ZNF25: variants seen among roughly 807,000 people sequenced by gnomAD.
ZNF25 encodes the protein zinc finger protein 25.
A neutral mutation model predicts 30.9 loss-of-function variants in ZNF25; 21 were observed. The ratio of observed to expected loss-of-function variants is 0.68; its 90% CI spans 0.48 to 0.98. The LOEUF is 0.98. Among genes scored for constraint, ZNF25 ranks in the 50% least tolerant of loss-of-function variants. The pLI, the probability that ZNF25 is intolerant of heterozygous loss-of-function variation, is 0.00. For missense variants in ZNF25, 501 were observed against 529.9 expected (o/e 0.95, Z 0.54); for synonymous variants, 169 against 181.3 (o/e 0.93, Z 0.55).
At chr10:37,974,289 C>T (rs2063671178) in intron 1 of ZNF25, among the ~76,000 whole-genome samples, 2 of 151,952 alleles carry the variant, frequency 1.3e-5, no homozygotes, top group Admixed American at 6.6e-5. Context: ...TTACATCAAA[C>T]GAAAAAGTTT....
chr10:37,961,126 C>T (rs1817253011), intron 2 of ZNF25, among the ~76,000 whole-genome samples: 1 of 152,130 alleles, frequency 6.6e-6, no homozygotes, highest in South Asian at 2.1e-4. Flanking sequence ...TGAAAAGACC[C>T]TACCACATAA....
At chr10:37,957,610 CAT>C in intron 2 of ZNF25, 64 bp from the exon 3 acceptor site, 1 of 1,554,246 alleles carries the variant, frequency 6.4e-7, no homozygotes, top group South Asian at 1.3e-5. Flanking sequence ...ATTGAAAAGA[CAT>C]GTGAACTAGC....
intron 2 of ZNF25, among the ~76,000 whole-genome samples, chr10:37,962,272 A>G (rs996080975): frequency 2.0e-5 from 3 of 152,148 alleles, no homozygotes; most frequent in African/African-American, 4.8e-5. Flanking sequence ...CGGATATATA[A>G]GAATAAGAAC....
chr10:37,974,272 A>G (rs1033394563), intron 1 of ZNF25, among the ~76,000 whole-genome samples: 1 of 152,204 alleles, frequency 6.6e-6, no homozygotes, highest in African/African-American at 2.4e-5. Flanking sequence ...AAAATAGATG[A>G]ATGGGATTAC....
intron 2 of ZNF25, among the ~76,000 whole-genome samples, chr10:37,967,281 C>T (rs1471594944): frequency 1.3e-5 from 2 of 152,234 alleles, no homozygotes; most frequent in East Asian, 3.8e-4. Flanking sequence ...AGAGGACTCA[C>T]ACTTCACAAT....
chr10:37,957,137 G>T, intron 3 of ZNF25, 22 bp from the exon 4 acceptor site: 3 of 1,597,434 alleles, frequency 1.9e-6, no homozygotes, highest in Non-Finnish European at 8.6e-7. Context: ...AAATATCAAG[G>T]AAATGATACA....
rs929333923 is a variant in ZNF25, at chr10:37,952,512, A to G, written c.986T>C (p.Leu329Pro). Reference protein sequence around the residue: ...CRKCFYQKSALTVHQRTHTGE... With the variant: ...CRKCFYQKSAPTVHQRTHTGE... ...TGTGTGAGTTCGCTGATGTACTGTG[A>G]GGGCTGACTTCTGGTAGAAGCATTT... Residue 329 changes from leucine (L) to proline (P), a missense_variant, in exon 6 of 6, where the codon CTC becomes CCC. Physicochemically the swap from Leu to Pro is moderately conservative, Grantham distance 98. Transcript: ENST00000302609. The G allele has an allele frequency of 6.2e-7, 1 of 1,613,924 alleles. No individual in the cohort carries two copies. The highest frequency in any genetic ancestry group is 8.5e-7 in the Non-Finnish European group (1 of 1,179,942).
Position 37,953,735 on chromosome 10 carries a change from G to T in ZNF25, c.262C>A (p.Leu88Ile). 2.5e-6 allele frequency: 4 copies of T among 1,613,900 alleles called. No homozygotes were observed. The highest frequency in any genetic ancestry group is 3.4e-6 in the Non-Finnish European group (4 of 1,179,918). ...FPEDLWSIHD[L>I]EARYQESQAG... ...TGGCTTTCCTGGTATCTTGCTTCTA[G>T]ATCATGAATGCTCCATAGGTCTTCT... Residue 88 changes from leucine (L) to isoleucine (I), a missense_variant, in exon 5 of 6, where the codon CTA (leucine) becomes ATA (isoleucine). Physicochemically the swap from Leu to Ile is conservative, Grantham distance 5 (BLOSUM62 2). Coordinates refer to ENST00000302609, the MANE Select transcript of ZNF25 (RefSeq NM_145011.4).
intron 3 of ZNF25, 22 bp from the exon 4 acceptor site, chr10:37,957,137 G>A (rs370626313): frequency 1.8e-5 from 29 of 1,597,316 alleles, no homozygotes; most frequent in African/African-American, 2.7e-5. Flanking sequence ...AAATATCAAG[G>A]AAATGATACA....
At position 37,957,540 on chromosome 10, in the gene ZNF25, C is replaced by T. The variant is rs112396871; in HGVS notation, c.22G>A (p.Val8Met). MNKFQGP[V>M]TLKDVIVEFT... is the part of the protein sequence containing the mutation. ...TCCACAATAACATCCTTTAATGTCA[C>T]GGGTCCCTGGAATAACATACTTCAG... Residue 8 changes from valine to methionine, a missense_variant, in exon 3 of 6, where the codon GTG becomes ATG. Physicochemically the swap from Val to Met is conservative, Grantham distance 21. Transcript: ENST00000302609. The T allele has an allele frequency of 6.0e-5, 97 of 1,612,650 alleles. 2 individuals carry two copies. The South Asian group carries it at 8.2e-4, about 14-fold the overall frequency.
At chr10:37,973,285 T>G (rs1213330600) in intron 1 of ZNF25, among the ~76,000 whole-genome samples, 1 of 151,402 alleles carries the variant, frequency 6.6e-6, no homozygotes, top group Non-Finnish European at 1.5e-5. Context: ...CACCTAGGAA[T>G]AAATTTAACC....
intron 2 of ZNF25, among the ~76,000 whole-genome samples, chr10:37,967,539 T>A (rs1034461403): frequency 6.6e-6 from 1 of 151,886 alleles, no homozygotes; most frequent in African/African-American, 2.4e-5. Context: ...GCCTCCCAAG[T>A]ATCTGGGACT....
At chr10:37,962,437 T>G (rs2062939868) in intron 2 of ZNF25, among the ~76,000 whole-genome samples, 1 of 152,170 alleles carries the variant, frequency 6.6e-6, no homozygotes, top group Non-Finnish European at 1.5e-5. Flanking sequence ...TCATCAAATA[T>G]TCACTGAAAG....
intron 3 of ZNF25, 54 bp from the exon 4 acceptor site, chr10:37,957,169 T>C (rs1013767953): frequency 1.0e-5 from 16 of 1,528,188 alleles, no homozygotes; most frequent in South Asian, 3.4e-5. Context: ...ATTTAGGGAC[T>C]GTGAAAGATG....
chr10:37,975,997 T>A (rs2063785671), intron 1 of ZNF25, among the ~76,000 whole-genome samples: 1 of 152,168 alleles, frequency 6.6e-6, no homozygotes, highest in South Asian at 2.1e-4. Context: ...GATGGTTAAG[T>A]CGAAAGGATG....
intron 2 of ZNF25, among the ~76,000 whole-genome samples, chr10:37,971,400 GT>G (rs892200607): frequency 3.1e-4 from 47 of 152,056 alleles, no homozygotes; most frequent in African/African-American, 1.1e-3. Flanking sequence ...ATTTAGCATG[GT>G]TTTCATGCCA....
At position 37,963,701 on chromosome 10, in the gene ZNF25, G is replaced by A. The variant is rs553067344; in HGVS notation, c.16-6155C>T. ...TGTTTAAAAGAGTCTGGCACCAGGC[G>A]TGGTGGCTCACACTTGTAATCCCAG... On this transcript the variant is annotated intron_variant, in intron 2 of 5. Transcript: ENST00000302609. Among the ~76,000 whole-genome samples the A allele has an allele frequency of 2.0e-3, 311 of 152,266 alleles. 2 individuals are homozygous for A. The highest frequency in any genetic ancestry group is 7.2e-3 in the African/African-American group (298 of 41,568).
At chr10:37,961,331 C>T (rs190182359) in intron 2 of ZNF25, among the ~76,000 whole-genome samples, 9 of 152,166 alleles carry the variant, frequency 5.9e-5, no homozygotes, top group Non-Finnish European at 1.2e-4. Flanking sequence ...TAAATGACAG[C>T]AATTCTATTT....
intron 1 of ZNF25, among the ~76,000 whole-genome samples, chr10:37,976,015 TG>T (rs1475038909): frequency 6.6e-6 from 1 of 152,184 alleles, no homozygotes; most frequent in African/African-American, 2.4e-5. Context: ...ATGGTTACGA[TG>T]ATTAAATGAG....
Sources: gnomAD v4.1 joint callset for allele counts (sites outside exome capture counted in the v4.1 genomes callset) on GRCh38, gnomAD v4.1.1 for gene constraint, MANE v1.5 for transcripts, NCBI Gene and HGNC (gene_info 2026-07-23, HGNC 2026-07-21) for gene names.